NETO2: variants seen among roughly 807,000 people sequenced by gnomAD.
NETO2 encodes neuropilin and tolloid-like protein 2.
A neutral mutation model predicts 62.5 loss-of-function variants in NETO2; 28 were observed. The observed-to-expected ratio is 0.45, with a 90% confidence interval of 0.33 to 0.61. The LOEUF (loss-of-function observed/expected upper bound fraction) is 0.61, where lower values mean the gene tolerates loss of function less well. NETO2 is among the 20% of genes least tolerant of loss of function. The probability of loss-of-function intolerance (pLI) is 0.02; values close to 1 mark genes in which losing one functional copy is unlikely to be tolerated. For missense variants in NETO2, 548 were observed against 643.2 expected (o/e 0.85, Z 1.60); for synonymous variants, 214 against 219.1 (o/e 0.98, Z 0.21).
chr16:47,124,779 C>T (rs1964120477), intron 4 of NETO2, among the ~76,000 whole-genome samples: 1 of 152,182 alleles, frequency 6.6e-6, no homozygotes, highest in South Asian at 2.1e-4. Context: ...TCAGTTTCCT[C>T]ATCTGTAAAA....
intron 6 of NETO2, among the ~76,000 whole-genome samples, chr16:47,119,149 TC>T (rs1963985360): frequency 6.6e-6 from 1 of 151,500 alleles, no homozygotes; most frequent in Admixed American, 6.6e-5. Flanking sequence ...TATGTTTTTT[TC>T]TTTTTCTTTT....
intron 2 of NETO2, among the ~76,000 whole-genome samples, chr16:47,130,945 G>C (rs528962957): frequency 3.3e-5 from 5 of 151,650 alleles, no homozygotes; most frequent in Non-Finnish European, 7.4e-5. Flanking sequence ...AGCGAATGTG[G>C]AGCAAAAAGA....
chr16:47,083,271 C>T lies in NETO2; in HGVS notation c.1528G>A (p.Val510Ile), dbSNP rs756079194. Residue 510 changes from valine (V) to isoleucine (I), a missense_variant, in exon 9 of 9, where the codon GTC (valine) becomes ATC (isoleucine). Val to Ile is a conservative substitution (Grantham distance 29, BLOSUM62 3). Coordinates refer to ENST00000562435, the MANE Select transcript of NETO2 (RefSeq NM_018092.5). Reference sequence around the variant, plus strand: ...TGTGCAGAATCTTCTCGCCCCCTGACATAAATTTCACAGGGAATCTCCTCC... The same window carrying T: ...TGTGCAGAATCTTCTCGCCCCCTGATATAAATTTCACAGGGAATCTCCTCC... ...VMEEIPCEIY[V>I]RGREDSAQAS... is the part of the protein sequence containing the mutation. 6.2e-6 allele frequency: 10 copies of T among 1,613,938 alleles called. No individual in the cohort carries two copies. The highest frequency in any genetic ancestry group is 1.3e-5 in the African/African-American group (1 of 75,042).
chr16:47,084,164 T>A (rs1417588077), intron 8 of NETO2, among the ~76,000 whole-genome samples: 1 of 152,238 alleles, frequency 6.6e-6, no homozygotes, highest in African/African-American at 2.4e-5. Context: ...CCAACTGCTG[T>A]GTTCAGGTAT....
At chr16:47,084,479 G>A (rs1013206684) in intron 8 of NETO2, among the ~76,000 whole-genome samples, 12 of 152,114 alleles carry the variant, frequency 7.9e-5, no homozygotes, top group African/African-American at 2.4e-4. Flanking sequence ...CGCATTACCC[G>A]CAGCACTGCC....
rs1183339817 is a variant in NETO2, at chr16:47,078,682, T to C, written c.*4539A>G. Reference sequence around the variant, plus strand: ...CAATCATTCTCCAAAACTCAAGAGATATGGCACACAAATATTTAATTTCTA... The same window carrying C: ...CAATCATTCTCCAAAACTCAAGAGACATGGCACACAAATATTTAATTTCTA... On this transcript the variant is annotated 3_prime_UTR_variant, in exon 9 of 9. Transcript: ENST00000562435. 1 of 152,184 alleles carries C rather than the reference T, an allele frequency of 6.6e-6. No individual in the cohort carries two copies. Among genetic ancestry groups the C allele is most frequent in the East Asian group, 1.9e-4 (1 of 5,198 alleles). 9.4% of individuals were successfully genotyped at this position (152,184 alleles called of 1,614,324 possible).
intron 7 of NETO2, among the ~76,000 whole-genome samples, chr16:47,095,352 T>C (rs921573784): frequency 6.6e-6 from 1 of 152,174 alleles, no homozygotes; most frequent in Non-Finnish European, 1.5e-5. Context: ...TGACAGAACC[T>C]TCCTCATCAG....
chr16:47,104,789 G>A (rs1445514451), intron 7 of NETO2, among the ~76,000 whole-genome samples: 3 of 152,066 alleles, frequency 2.0e-5, no homozygotes, highest in South Asian at 2.1e-4. Context: ...GCACGATCTC[G>A]GCTCGCTGTG....
At position 47,142,249 on chromosome 16, in the gene NETO2, A is replaced by C. The variant is rs148458171; in HGVS notation, c.34+1330T>G. Among the ~76,000 whole-genome samples the C allele has an allele frequency of 4.2e-4, 64 of 152,336 alleles. No individual in the cohort carries two copies. In the East Asian group the frequency reaches 6.7e-3, roughly 16 times the overall value. ...AGAGTTGTTTTCAATTGTAATAAAGAAATCACTACGGATTTACGGTTTGTG... is the reference window on the plus strand; with the variant it reads ...AGAGTTGTTTTCAATTGTAATAAAGCAATCACTACGGATTTACGGTTTGTG... On this transcript the variant is annotated intron_variant, in intron 1 of 8. Coordinates refer to ENST00000562435, the MANE Select transcript of NETO2 (RefSeq NM_018092.5).
At chr16:47,117,122 T>G (rs867531811) in intron 6 of NETO2, among the ~76,000 whole-genome samples, 5 of 152,314 alleles carry the variant, frequency 3.3e-5, no homozygotes, top group African/African-American at 9.6e-5. Flanking sequence ...TCTCTTAGTT[T>G]TATCATTCTT....
rs539868804 is a variant in NETO2, at chr16:47,123,790, C to T, written c.482-878G>A. 2.0e-5 allele frequency among the ~76,000 whole-genome samples: 3 copies of T among 152,254 alleles called. No individual in the cohort carries two copies. In the East Asian group the frequency reaches 5.8e-4, roughly 29 times the overall value. Reference sequence around the variant, plus strand: ...TCGGCTCACTGCAACCTCTGCTTCCCGGGTTCAAGCAATTCTCCTGCCTCA... The same window carrying T: ...TCGGCTCACTGCAACCTCTGCTTCCTGGGTTCAAGCAATTCTCCTGCCTCA... On this transcript the variant is annotated intron_variant, in intron 4 of 8. Coordinates refer to ENST00000562435, the MANE Select transcript of NETO2 (RefSeq NM_018092.5).
At chr16:47,113,230 G>A (rs1596725399) in intron 6 of NETO2, among the ~76,000 whole-genome samples, 1 of 152,124 alleles carries the variant, frequency 6.6e-6, no homozygotes, top group Non-Finnish European at 1.5e-5. Flanking sequence ...GAATTCTAAC[G>A]AGACAATTTA....
chr16:47,113,056 T>C (rs1011565416), intron 6 of NETO2, among the ~76,000 whole-genome samples: 2 of 152,216 alleles, frequency 1.3e-5, no homozygotes, highest in East Asian at 1.9e-4. Context: ...CTGTAAACAT[T>C]GTTGTCTTCT....
intron 2 of NETO2, among the ~76,000 whole-genome samples, chr16:47,131,315 G>A (rs1489504648): frequency 1.3e-5 from 2 of 152,092 alleles, no homozygotes; most frequent in East Asian, 3.8e-4. Context: ...TAACCAAGAA[G>A]TAGCAATACA....
chr16:47,137,568 T>A (rs1298387672), intron 1 of NETO2, among the ~76,000 whole-genome samples: 1 of 152,222 alleles, frequency 6.6e-6, no homozygotes, highest in Non-Finnish European at 1.5e-5. Flanking sequence ...TCTATTCTTA[T>A]AAGGGCTCCA....
intron 6 of NETO2, among the ~76,000 whole-genome samples, chr16:47,115,600 T>C (rs781204864): frequency 2.0e-5 from 3 of 150,348 alleles, no homozygotes; most frequent in Non-Finnish European, 4.4e-5. Context: ...CGCTCTTGGC[T>C]CACTGCAGCC....
rs1446101023 is a variant in NETO2 at position 47,082,391 on chromosome 16, T to TG, written c.*829dup. ...TGAAATGATTCTTTACTGGAATGAA[T>TG]GGGCTGTCACTGAATGTGACTATAC... is the stretch of plus-strand genomic sequence containing the variant. On this transcript the variant is annotated 3_prime_UTR_variant, in exon 9 of 9. Transcript: ENST00000562435. 1 of 152,232 alleles carries TG rather than the reference T, an allele frequency of 6.6e-6. No homozygotes were observed. The highest frequency in any genetic ancestry group is 6.5e-5 in the Admixed American group (1 of 15,284). 9.4% of individuals were successfully genotyped at this position (152,232 alleles called of 1,614,324 possible).
chr16:47,143,589 C>T lies in NETO2; in HGVS notation c.24G>A (p.Ser8=). ...AGCCCCGGTCCTTACCTTTGAGGAC[C>T]GAGCAGAGCCGCTCCAGGGCCATGT... The part of the protein sequence containing the change: MALERLC[S]VLKVLLITVL... The change falls in exon 1 of 9, where the codon TCG becomes TCA. Residue 8 remains serine, a synonymous_variant. Transcript: ENST00000562435. The T allele has an allele frequency of 8.2e-7, 1 of 1,222,738 alleles. No individual in the cohort carries two copies. The allele number at this position is 1,222,738 out of a possible 1,614,324, so 75.7% of individuals were successfully genotyped here.
chr16:47,134,882 T>C (rs16952538), intron 1 of NETO2, among the ~76,000 whole-genome samples: 10,967 of 152,244 alleles, frequency 0.072, 657 homozygotes, highest in African/African-American at 0.16. Context: ...ATACTGAAAA[T>C]AAAGTTGCAA....
Sources: gnomAD v4.1 joint callset for allele counts (sites outside exome capture counted in the v4.1 genomes callset) on GRCh38, gnomAD v4.1.1 for gene constraint, MANE v1.5 for transcripts, NCBI Gene and HGNC (gene_info 2026-07-23, HGNC 2026-07-21) for gene names.